The following PDE4B variants were observed in gnomAD, a reference collection of about 807,000 sequenced individuals.
PDE4B encodes phosphodiesterase 4B.
PDE4B carries 20 observed loss-of-function variants against 82.2 expected under a neutral mutation model. The ratio of observed to expected loss-of-function variants is 0.24; its 90% CI spans 0.17 to 0.35. The LOEUF is 0.35. Ranked by LOEUF, PDE4B falls within the 10% of genes least tolerant of loss-of-function variation. The pLI is 1.00. For synonymous variants in PDE4B, 320 were observed against 318.9 expected, an observed-to-expected ratio of 1.00 and a Z score of -0.04; for missense variants, 655 against 907.2, an observed-to-expected ratio of 0.72 and a Z score of 3.57.
intron 3 of PDE4B, among the ~76,000 whole-genome samples, chr1:66,134,728 GT>G (rs1570315171): frequency 6.6e-6 from 1 of 152,286 alleles, no homozygotes; most frequent in East Asian, 1.9e-4. Context: ...GTGATGAGAG[GT>G]TGTTTGTAAA....
chr1:66,095,686 T>C (rs1645100917), intron 3 of PDE4B, among the ~76,000 whole-genome samples: 2 of 151,982 alleles, frequency 1.3e-5, no homozygotes, highest in South Asian at 4.1e-4. Flanking sequence ...CATGGATTGC[T>C]GTGTAATATC....
At chr1:65,925,549 T>C (rs1394488677) in intron 3 of PDE4B, among the ~76,000 whole-genome samples, 1 of 152,162 alleles carries the variant, frequency 6.6e-6, no homozygotes, top group African/African-American at 2.4e-5. Flanking sequence ...ACCTCCTCCA[T>C]ACCTCCAACA....
intron 1 of PDE4B, among the ~76,000 whole-genome samples, chr1:65,910,192 A>G (rs12073301): frequency 0.011 from 1,695 of 152,300 alleles, 33 homozygotes; most frequent in African/African-American, 0.038. Flanking sequence ...AAATGGCTGA[A>G]GGTAAATCCT....
At chr1:66,096,508 T>TCATATATATATATG (rs59931848) in intron 3 of PDE4B, among the ~76,000 whole-genome samples, 1 of 107,328 alleles carries the variant, frequency 9.3e-6, no homozygotes. Flanking sequence ...GTAAAAAAAA[T>TCATATATATATATG]TATATATATA....
intron 4 of PDE4B, 22 bp downstream of exon 4, chr1:66,247,676 C>T (rs1557658307): frequency 6.6e-7 from 1 of 1,521,236 alleles, no homozygotes; most frequent in East Asian, 2.3e-5. Flanking sequence ...CTCTGTCTGG[C>T]TTCCAGTTTC....
At chr1:66,011,390 A>G (rs1458271949) in intron 3 of PDE4B, among the ~76,000 whole-genome samples, 1 of 152,114 alleles carries the variant, frequency 6.6e-6, no homozygotes, top group Non-Finnish European at 1.5e-5. Flanking sequence ...ATCAATGGAA[A>G]TGAAAAGGAC....
intron 3 of PDE4B, among the ~76,000 whole-genome samples, chr1:65,939,750 C>G (rs1648343550): frequency 6.6e-6 from 1 of 152,016 alleles, no homozygotes; most frequent in African/African-American, 2.4e-5. Flanking sequence ...AATTTATATG[C>G]AAGGAAAAGC....
At chr1:66,096,541 T>TATATATATATATATATAC (rs1557558033) in intron 3 of PDE4B, among the ~76,000 whole-genome samples, 1 of 144,638 alleles carries the variant, frequency 6.9e-6, no homozygotes, top group African/African-American at 2.5e-5. Flanking sequence ...TATATATATA[T>TATATATATATATATATAC]ACTGCATTTC....
At chr1:66,143,127 A>T (rs1266567599) in intron 3 of PDE4B, among the ~76,000 whole-genome samples, 9 of 152,364 alleles carry the variant, frequency 5.9e-5, no homozygotes, top group Middle Eastern at 6.8e-3. Flanking sequence ...TTAGTTCAAA[A>T]GATGCTTATG....
intron 7 of PDE4B, among the ~76,000 whole-genome samples, chr1:66,268,667 C>CAAAAAAAAAAAAAAAAAAAAAAA (rs36046564): frequency 3.6e-4 from 22 of 61,212 alleles, no homozygotes; most frequent in Non-Finnish European, 3.9e-4. Flanking sequence ...GACTCCATCT[C>CAAAAAAAAAAAAAAAAAAAAAAA]AAAAAAAAAA....
intron 3 of PDE4B, among the ~76,000 whole-genome samples, chr1:66,144,546 T>C (rs764203789): frequency 2.0e-5 from 3 of 152,140 alleles, no homozygotes; most frequent in Non-Finnish European, 4.4e-5. Flanking sequence ...TCCGAAATGA[T>C]CCAAAGTTAG....
At position 66,060,877 on chromosome 1, in the gene PDE4B, T is replaced by C. The variant is rs569001350; in HGVS notation, c.281+142042T>C. On this transcript the variant is annotated intron_variant, in intron 3 of 16. Transcript: ENST00000341517. ...AGCCACTCCTGCTTGGTCCTTCTCT[T>C]CTTCCTGAGTCTGGTGTTTCAGTGG... Among the ~76,000 whole-genome samples the C allele has an allele frequency of 9.9e-5, 15 of 152,000 alleles. 1 individual carries two copies. The highest frequency in any genetic ancestry group is 3.4e-4 in the African/African-American group (14 of 41,460).
At chr1:65,873,914 C>T (rs575760115) in intron 1 of PDE4B, among the ~76,000 whole-genome samples, 8 of 151,242 alleles carry the variant, frequency 5.3e-5, no homozygotes, top group Admixed American at 5.3e-4. Context: ...TTTTTTGGTT[C>T]CATATGAACT....
At chr1:65,985,155 C>T (rs982402649) in intron 3 of PDE4B, among the ~76,000 whole-genome samples, 1 of 152,100 alleles carries the variant, frequency 6.6e-6, no homozygotes, top group Non-Finnish European at 1.5e-5. Flanking sequence ...GAATTTTCTA[C>T]ATTGATATGT....
chr1:65,930,712 C>T (rs1309985412), intron 3 of PDE4B, among the ~76,000 whole-genome samples: 2 of 152,208 alleles, frequency 1.3e-5, no homozygotes, highest in East Asian at 1.9e-4. Context: ...AATGACTATA[C>T]CCCCATTGTA....
intron 3 of PDE4B, among the ~76,000 whole-genome samples, chr1:66,189,741 T>G (rs2101467172): frequency 6.6e-6 from 1 of 152,324 alleles, no homozygotes; most frequent in African/African-American, 2.4e-5. Context: ...CATCTAATTT[T>G]TTTTTCAAGG....
chr1:66,058,115 G>A (rs2202062), intron 3 of PDE4B, among the ~76,000 whole-genome samples: 127,731 of 152,186 alleles, frequency 0.84, 53,784 homozygotes, highest in Non-Finnish European at 0.87. Flanking sequence ...GGCCAAAACA[G>A]AGGGGCTACA....
At chr1:66,302,599 T>C (rs1367846551) in intron 7 of PDE4B, among the ~76,000 whole-genome samples, 1 of 152,162 alleles carries the variant, frequency 6.6e-6, no homozygotes, top group African/African-American at 2.4e-5. Flanking sequence ...TACAAAGTCC[T>C]GCAAGGGCTG....
chr1:66,255,028 C>CTTTTCTTTTCTTTTCTTTCATTCTTT (rs1654088627), intron 4 of PDE4B, among the ~76,000 whole-genome samples: 2 of 151,550 alleles, frequency 1.3e-5, no homozygotes, highest in Non-Finnish European at 2.9e-5. Context: ...TTTCTTTTCT[C>CTTTTCTTTTCTTTTCTTTCATTCTTT]TTTTCTTTTC....
Sources: gnomAD v4.1 joint callset for allele counts (sites outside exome capture counted in the v4.1 genomes callset) on GRCh38, gnomAD v4.1.1 for gene constraint, MANE v1.5 for transcripts, NCBI Gene and HGNC (gene_info 2026-07-23, HGNC 2026-07-21) for gene names.